ZNF480: variants seen among roughly 807,000 people sequenced by gnomAD.
ZNF480 encodes the protein zinc finger protein 480.
ZNF480 carries 15 observed loss-of-function variants against 14.4 expected under a neutral mutation model. The observed-to-expected ratio is 1.04, with a 90% CI of 0.70 to 1.60. The LOEUF (loss-of-function observed/expected upper bound fraction) is 1.60. ZNF480 is among the 40% of genes most tolerant of loss of function. The pLI is 0.00. For missense variants in ZNF480, 593 were observed against 629.7 expected (o/e 0.94, Z 0.62); for synonymous variants, 218 against 215.5 (o/e 1.01, Z -0.10).
intron 2 of ZNF480, 141 bp from the exon 3 acceptor site, chr19:52,314,010 CAT>C: frequency 1.1e-6 from 1 of 917,924 alleles, no homozygotes; most frequent in Non-Finnish European, 1.6e-6. Context: ...TTTACAGACA[CAT>C]AACTACATCA....
chr19:52,321,724 C>T lies in ZNF480; in HGVS notation c.474C>T (p.Ile158=). The T allele has an allele frequency of 2.5e-6, 4 of 1,614,054 alleles. No individual in the cohort carries two copies. The highest frequency in any genetic ancestry group is 3.4e-6 in the Non-Finnish European group (4 of 1,179,970). The change falls in exon 5 of 5, where the codon ATC becomes ATT. Residue 158 remains isoleucine, a synonymous_variant. Coordinates refer to ENST00000595962, the MANE Select transcript of ZNF480 (RefSeq NM_144684.4). ...INGCNQVENF[I]NHSSSVSCLQ... is the part of the protein sequence containing the mutation. Reference sequence around the variant, plus strand: ...GATGTAATCAAGTTGAAAACTTTATCAACCACAGTTCCTCTGTTTCCTGTC... The same window carrying T: ...GATGTAATCAAGTTGAAAACTTTATTAACCACAGTTCCTCTGTTTCCTGTC...
intron 1 of ZNF480, among the ~76,000 whole-genome samples, chr19:52,299,049 T>G (rs1982556692): frequency 1.3e-5 from 2 of 152,328 alleles, no homozygotes; most frequent in South Asian, 2.1e-4. Context: ...AACTCCTGTC[T>G]GTAAGGCTGG....
chr19:52,300,349 G>A (rs780230817), intron 1 of ZNF480, 45 bp from the exon 2 acceptor site: 2 of 1,592,974 alleles, frequency 1.3e-6, no homozygotes, highest in South Asian at 1.1e-5. Context: ...ACAGGAAAAG[G>A]GTGTGTTGAT....
intron 2 of ZNF480, among the ~76,000 whole-genome samples, chr19:52,305,158 T>C (rs1312161542): frequency 2.6e-5 from 4 of 152,252 alleles, no homozygotes; most frequent in South Asian, 2.1e-4. Context: ...AGATTGTTCA[T>C]TGGGTCCTTC....
At chr19:52,318,399 C>A (rs1241155415) in intron 4 of ZNF480, among the ~76,000 whole-genome samples, 1 of 152,152 alleles carries the variant, frequency 6.6e-6, no homozygotes, top group African/African-American at 2.4e-5. Flanking sequence ...TGAGCCACCA[C>A]ATCCGGCCTA....
At chr19:52,313,837 G>A in intron 2 of ZNF480, 1 of 433,470 alleles carries the variant, frequency 2.3e-6, no homozygotes, top group Non-Finnish European at 4.6e-6. Flanking sequence ...AAATTAGCCA[G>A]GTGTGATGGT....
intron 2 of ZNF480, chr19:52,301,597 T>C (rs1982695079): frequency 6.6e-6 from 1 of 152,126 alleles, no homozygotes; most frequent in South Asian, 2.1e-4. Context: ...TAGTTTTCAG[T>C]CTGTGTTAGT....
At chr19:52,301,897 T>G (rs1982709960) in intron 2 of ZNF480, 1 of 156,738 alleles carries the variant, frequency 6.4e-6, no homozygotes, top group Non-Finnish European at 1.4e-5. Context: ...TGATGAGTAT[T>G]ATACAGGGAA....
rs1473464816 is a variant in ZNF480, at chr19:52,321,887, A to G, written c.637A>G (p.Arg213Gly). The G allele has an allele frequency of 6.2e-7, 1 of 1,614,188 alleles. No individual in the cohort carries two copies. Among genetic ancestry groups the G allele is most frequent in the Non-Finnish European group, 8.5e-7 (1 of 1,180,026 alleles). Reference protein sequence around the residue: ...YECNEHSKVFRVSSSLTKHQV... With the variant: ...YECNEHSKVFGVSSSLTKHQV... ...ATGTAATGAGCATAGCAAAGTCTTT[A>G]GAGTATCTTCCAGCCTTACTAAACA... The change falls in exon 5 of 5, where the codon AGA (arginine) becomes GGA (glycine). Residue 213 changes from arginine to glycine, a missense_variant. Physicochemically the swap from Arg to Gly is moderately radical, Grantham distance 125. Transcript: ENST00000595962.
intron 4 of ZNF480, among the ~76,000 whole-genome samples, chr19:52,318,110 T>C (rs1290966463): frequency 3.2e-5 from 1 of 31,134 alleles, no homozygotes; most frequent in Admixed American, 2.7e-4. Flanking sequence ...TTTAAATAAT[T>C]ATTTATTTAT....
At chr19:52,313,821 A>G (rs1427429430) in intron 2 of ZNF480, 2 of 440,316 alleles carry the variant, frequency 4.5e-6, no homozygotes, top group Non-Finnish European at 4.6e-6. Context: ...TCTACTGAAA[A>G]TACAAAAATT....
chr19:52,315,227 G>A (rs1485848869), intron 3 of ZNF480, among the ~76,000 whole-genome samples: 1 of 152,222 alleles, frequency 6.6e-6, no homozygotes, highest in East Asian at 1.9e-4. Context: ...GGGATTACAG[G>A]CATGAGCCCC....
chr19:52,313,101 G>A (rs897525530), intron 2 of ZNF480, among the ~76,000 whole-genome samples: 16 of 151,088 alleles, frequency 1.1e-4, no homozygotes, highest in Admixed American at 5.3e-4. Flanking sequence ...GATTACAGGC[G>A]TGAGCCACCG....
chr19:52,297,788 A>G (rs1982481747), intron 1 of ZNF480: 1 of 152,496 alleles, frequency 6.6e-6, no homozygotes, highest in African/African-American at 2.4e-5. Flanking sequence ...CTTGACATCC[A>G]GTGTTCTTGC....
chr19:52,310,537 G>T lies in ZNF480; in HGVS notation c.73-3616G>T, dbSNP rs530254963. ...CAGGCATCCTGTGCAGTGGTGATTGGCTGCAGCACAGACCAGCCCCCTTTT... is the reference window on the plus strand; with the variant it reads ...CAGGCATCCTGTGCAGTGGTGATTGTCTGCAGCACAGACCAGCCCCCTTTT... On this transcript the variant is annotated intron_variant, in intron 2 of 4. Coordinates refer to ENST00000595962, the MANE Select transcript of ZNF480 (RefSeq NM_144684.4). Among the ~76,000 whole-genome samples the T allele has an allele frequency of 1.2e-3, 178 of 151,866 alleles. 1 individual carries two copies. Among genetic ancestry groups the T allele is most frequent in the Admixed American group, 0.011 (174 of 15,252 alleles).
At position 52,323,007 on chromosome 19, in the gene ZNF480, G is replaced by A; in HGVS notation, c.*149G>A. On this transcript the variant is annotated 3_prime_UTR_variant, in exon 5 of 5. Coordinates refer to ENST00000595962, the MANE Select transcript of ZNF480 (RefSeq NM_144684.4). Reference sequence around the variant, plus strand: ...CAAGTTTTTCTAATAACTCATTAGAGAATTTATACTGGAGAGACTTCACAA... The same window carrying A: ...CAAGTTTTTCTAATAACTCATTAGAAAATTTATACTGGAGAGACTTCACAA... 1.7e-6 allele frequency: 1 copy of A among 591,578 alleles called. No homozygotes were observed. The highest frequency in any genetic ancestry group is 2.7e-6 in the Non-Finnish European group (1 of 369,226). 36.6% of individuals were successfully genotyped at this position (591,578 alleles called of 1,614,324 possible).
chr19:52,313,329 G>A (rs530640256), intron 2 of ZNF480, among the ~76,000 whole-genome samples: 1 of 150,782 alleles, frequency 6.6e-6, no homozygotes, highest in Non-Finnish European at 1.5e-5. Flanking sequence ...TTAGAGACGG[G>A]GTTTCACCAT....
intron 4 of ZNF480, among the ~76,000 whole-genome samples, chr19:52,316,388 G>A (rs1983560901): frequency 6.6e-6 from 1 of 151,964 alleles, no homozygotes; most frequent in Non-Finnish European, 1.5e-5. Flanking sequence ...ACCATGCCTG[G>A]CTAATTTTTG....
intron 2 of ZNF480, among the ~76,000 whole-genome samples, chr19:52,312,235 AC>A (rs1395333496): frequency 6.6e-6 from 1 of 150,984 alleles, no homozygotes; most frequent in Non-Finnish European, 1.5e-5. Flanking sequence ...ATCTCGGCTC[AC>A]TGCAATCTCT....
Sources: allele counts gnomAD v4.1 joint callset (sites outside exome capture counted in the v4.1 genomes callset), GRCh38; gene constraint gnomAD v4.1.1; transcripts MANE v1.5; gene names NCBI Gene and HGNC (gene_info 2026-07-23, HGNC 2026-07-21).